The following CFDP1 variants were observed in gnomAD, a reference collection of about 807,000 sequenced individuals.
The protein encoded by CFDP1 is heterochromatin-stabilizing protein CFDP1.
A neutral mutation model predicts 40.1 loss-of-function variants in CFDP1; 31 were observed. The observed-to-expected ratio is 0.77, with a 90% CI of 0.58 to 1.04. The LOEUF is 1.04. Among genes scored for constraint, CFDP1 ranks in the 50% least tolerant of loss-of-function variants. The probability of loss-of-function intolerance (pLI) is 0.00; values close to 1 mark genes in which losing one functional copy is unlikely to be tolerated. For missense variants in CFDP1, 423 were observed against 343.4 expected (o/e 1.23, Z -1.83); for synonymous variants, 167 against 120.0 (o/e 1.39, Z -2.56).
At chr16:75,421,828 TGG>T (rs1360173492) in intron 1 of CFDP1, among the ~76,000 whole-genome samples, 1 of 152,172 alleles carries the variant, frequency 6.6e-6, no homozygotes, top group Non-Finnish European at 1.5e-5. Context: ...TCCATATTTC[TGG>T]GGAAGTGGTT....
At chr16:75,347,072 C>CG (rs891939940) in intron 5 of CFDP1, among the ~76,000 whole-genome samples, 4 of 151,872 alleles carry the variant, frequency 2.6e-5, no homozygotes, top group African/African-American at 9.7e-5. Flanking sequence ...AGGCCAGGCA[C>CG]GGGGGGCTCA....
chr16:75,388,504 G>T (rs748289442), intron 5 of CFDP1, among the ~76,000 whole-genome samples: 4 of 152,200 alleles, frequency 2.6e-5, no homozygotes, highest in Non-Finnish European at 5.9e-5. Context: ...AAGCCACTGA[G>T]TAGGGACCAC....
chr16:75,337,513 G>T (rs970789688), intron 5 of CFDP1, among the ~76,000 whole-genome samples: 1 of 152,148 alleles, frequency 6.6e-6, no homozygotes, highest in Non-Finnish European at 1.5e-5. Context: ...TCTCACACTG[G>T]TATCAAGAAC....
chr16:75,360,396 T>G (rs980682378), intron 5 of CFDP1, among the ~76,000 whole-genome samples: 2 of 152,204 alleles, frequency 1.3e-5, no homozygotes, highest in Non-Finnish European at 2.9e-5. Flanking sequence ...CATTAGCCAA[T>G]CTATGACAAT....
At chr16:75,297,281 A>C (rs2078190653) in intron 6 of CFDP1, among the ~76,000 whole-genome samples, 1 of 151,784 alleles carries the variant, frequency 6.6e-6, no homozygotes, top group Non-Finnish European at 1.5e-5. Flanking sequence ...CAGCCTCCCG[A>C]AGTGCTGGGA....
intron 6 of CFDP1, among the ~76,000 whole-genome samples, chr16:75,297,713 A>T (rs577078066): frequency 2.0e-5 from 3 of 152,142 alleles, no homozygotes; most frequent in African/African-American, 7.2e-5. Context: ...CACTTTCTTT[A>T]ATAAAATATG....
chr16:75,360,941 C>G (rs550154812), intron 5 of CFDP1, among the ~76,000 whole-genome samples: 36 of 152,164 alleles, frequency 2.4e-4, no homozygotes, highest in Non-Finnish European at 4.4e-4. Flanking sequence ...CACACCATCT[C>G]TAGAAACATC....
intron 5 of CFDP1, among the ~76,000 whole-genome samples, chr16:75,356,400 G>GT (rs1164269442): frequency 6.6e-6 from 1 of 152,294 alleles, no homozygotes; most frequent in African/African-American, 2.4e-5. Flanking sequence ...TCAATGAGCA[G>GT]TAACATTTTG....
Position 75,418,328 on chromosome 16 carries a change from C to T in CFDP1, c.65-3633G>A, listed in dbSNP as rs1291806264. 6.2e-5 allele frequency among the ~76,000 whole-genome samples: 7 copies of T among 112,740 alleles called. No homozygotes were observed. In the South Asian group the frequency reaches 9.0e-4, roughly 15 times the overall value. 74.0% of individuals were successfully genotyped at this position (112,740 alleles called of 152,430 possible). A position where few individuals can be genotyped will look rare whatever the true frequency, so the allele number is the denominator to read the frequency against. ...ACCCTTTTTTTTTTTTTTTTTGAGA[C>T]GCAGTCTCGCTCTGTCGCCCAGGCT... On this transcript the variant is annotated intron_variant, in intron 1 of 6. Transcript: ENST00000283882.
rs187541306 is a variant in CFDP1 at position 75,407,743 on chromosome 16, T to A, written c.530+4082A>T. Among the ~76,000 whole-genome samples, 15 of 151,808 alleles carry A rather than the reference T, an allele frequency of 9.9e-5. No individual in the cohort carries two copies. The East Asian group carries it at 2.7e-3, about 27-fold the overall frequency. On this transcript the variant is annotated intron_variant, in intron 4 of 6. Transcript: ENST00000283882. ...CTTTTTCCTTTCACTAAAAAATAAC[T>A]GTAATTATAACTTGACGGGATAAAT... is the stretch of plus-strand genomic sequence containing the variant.
chr16:75,375,244 T>C (rs1008813833), intron 5 of CFDP1, among the ~76,000 whole-genome samples: 3 of 152,096 alleles, frequency 2.0e-5, no homozygotes, highest in Non-Finnish European at 2.9e-5. Flanking sequence ...TCTGCTCATC[T>C]AAACACACCA....
At chr16:75,362,591 C>T (rs1417568811) in intron 5 of CFDP1, among the ~76,000 whole-genome samples, 1 of 152,172 alleles carries the variant, frequency 6.6e-6, no homozygotes, top group Non-Finnish European at 1.5e-5. Context: ...CAGCCAATCT[C>T]GACCTACAAC....
chr16:75,387,713 T>A (rs1212059762), intron 5 of CFDP1, among the ~76,000 whole-genome samples: 1 of 152,154 alleles, frequency 6.6e-6, no homozygotes, highest in East Asian at 1.9e-4. Flanking sequence ...CAGTAGGAAA[T>A]GATTACCCTC....
intron 4 of CFDP1, among the ~76,000 whole-genome samples, chr16:75,398,004 C>T (rs909059822): frequency 5.9e-5 from 9 of 152,146 alleles, no homozygotes; most frequent in African/African-American, 2.2e-4. Context: ...GGAGAATACA[C>T]CTCAACTGGC....
At chr16:75,343,620 G>C (rs1292821744) in intron 5 of CFDP1, among the ~76,000 whole-genome samples, 1 of 152,242 alleles carries the variant, frequency 6.6e-6, no homozygotes, top group East Asian at 1.9e-4. Flanking sequence ...GCCTGGAAAA[G>C]AGTTCATGAC....
intron 5 of CFDP1, among the ~76,000 whole-genome samples, chr16:75,364,300 G>A (rs187926955): frequency 1.3e-5 from 2 of 152,244 alleles, no homozygotes; most frequent in East Asian, 3.9e-4. Flanking sequence ...ACCCTTTGCT[G>A]TCTTTTAGCT....
intron 6 of CFDP1, among the ~76,000 whole-genome samples, chr16:75,301,316 T>A (rs1002777047): frequency 2.6e-5 from 4 of 151,842 alleles, no homozygotes; most frequent in African/African-American, 9.7e-5. Flanking sequence ...TACAGAAGAG[T>A]GCATGAACTG....
In CFDP1 at chr16:75,414,623, T is replaced by C. The variant is rs1567679090; in HGVS notation, c.137A>G (p.Gln46Arg). The change falls in exon 2 of 7, where the codon CAG becomes CGG. Residue 46 changes from glutamine to arginine, a missense_variant. Gln to Arg is a conservative substitution (Grantham distance 43, BLOSUM62 1). Transcript: ENST00000283882. ...CTTTCTTTTTTTCCCTTGGGTTTTC[T>C]GTGTCTGCTCTTCACCATCCACTTC... Reference protein sequence around the residue: ...EDEVDGEEQTQKTQGKKRKAQ... With the variant: ...EDEVDGEEQTRKTQGKKRKAQ... 1 of 1,613,914 alleles carries C rather than the reference T, an allele frequency of 6.2e-7. No homozygotes were observed. The highest frequency in any genetic ancestry group is 8.5e-7 in the Non-Finnish European group (1 of 1,179,906).
rs149175092 is a variant in CFDP1 at position 75,361,344 on chromosome 16, C to T, written c.650+33746G>A. Among the ~76,000 whole-genome samples, 1,107 of 152,198 alleles carry T rather than the reference C, an allele frequency of 7.3e-3. 13 individuals carry two copies. The highest frequency in any genetic ancestry group is 0.025 in the African/African-American group (1,038 of 41,534). On this transcript the variant is annotated intron_variant, in intron 5 of 6. Coordinates refer to ENST00000283882, the MANE Select transcript of CFDP1 (RefSeq NM_006324.3). ...TATTGTTTAAATTTAAAGCCGGGCG[C>T]GGTGGCTCACACCTGTAATCCCAGC... is the stretch of plus-strand genomic sequence containing the variant.
Sources: allele counts gnomAD v4.1 joint callset (sites outside exome capture counted in the v4.1 genomes callset), GRCh38; gene constraint gnomAD v4.1.1; transcripts MANE v1.5; gene names NCBI Gene and HGNC (gene_info 2026-07-23, HGNC 2026-07-21).